Variants in TFAP2A observed in about 807,000 individuals in gnomAD.
TFAP2A encodes the protein transcription factor AP-2-alpha.
A neutral mutation model predicts 41.5 loss-of-function variants in TFAP2A; 7 were observed. The ratio of observed to expected loss-of-function variants is 0.17; its 90% confidence interval spans 0.10 to 0.32. The LOEUF (loss-of-function observed/expected upper bound fraction) is 0.32. Among genes scored for constraint, TFAP2A ranks in the 10% least tolerant of loss-of-function variants. The pLI, the probability that TFAP2A is intolerant of heterozygous loss-of-function variation, is 1.00. For missense variants in TFAP2A, 416 were observed against 563.3 expected (o/e 0.74, Z 2.65); for synonymous variants, 247 against 242.8 (o/e 1.02, Z -0.16).
chr6:10,412,172 G>A, intron 1 of TFAP2A: 4 of 988,224 alleles, frequency 4.0e-6, no homozygotes, highest in Non-Finnish European at 4.8e-6. Context: ...AAATCGGAGT[G>A]GGGAGAGGGA....
intron 2 of TFAP2A, 167 bp downstream of exon 2, chr6:10,409,734 G>C: frequency 1.3e-6 from 1 of 796,590 alleles, no homozygotes; most frequent in Non-Finnish European, 2.0e-6. Context: ...CAACTACTTT[G>C]TGTGGTTCCT....
At chr6:10,401,216 A>G (rs1207672443) in intron 5 of TFAP2A, among the ~76,000 whole-genome samples, 1 of 152,240 alleles carries the variant, frequency 6.6e-6, no homozygotes, top group African/African-American at 2.4e-5. Flanking sequence ...TTGTTTCCAT[A>G]AAATGGAGCG....
At chr6:10,409,863 G>A in intron 2 of TFAP2A, 38 bp downstream of exon 2, 1 of 1,545,542 alleles carries the variant, frequency 6.5e-7, no homozygotes, top group Non-Finnish European at 8.7e-7. Flanking sequence ...TAAGTAGGGG[G>A]CTGTGTTCCC....
chr6:10,399,134 T>TC (rs1367376582), intron 6 of TFAP2A, among the ~76,000 whole-genome samples: 19 of 152,358 alleles, frequency 1.2e-4, no homozygotes, highest in Non-Finnish European at 2.4e-4. Context: ...ATAAAGACCC[T>TC]CTTCCCTGCT....
chr6:10,419,515 G>C, upstream of TFAP2A: 18 of 1,603,076 alleles, frequency 1.1e-5, no homozygotes, highest in Non-Finnish European at 1.5e-5. Context: ...GGTCGGGCCA[G>C]CTCCCTGGAA....
At chr6:10,412,322 A>T (rs772960265) in intron 1 of TFAP2A, 11 of 982,344 alleles carry the variant, frequency 1.1e-5, no homozygotes, top group Non-Finnish European at 1.2e-5. Flanking sequence ...AAAGAGGCAG[A>T]GAGGGAGACC....
chr6:10,403,809 A>G (rs968788122), intron 4 of TFAP2A, among the ~76,000 whole-genome samples: 3 of 152,198 alleles, frequency 2.0e-5, no homozygotes, highest in African/African-American at 7.2e-5. Flanking sequence ...CTGGCTATGT[A>G]TGTAACAGAT....
chr6:10,409,743 C>CGTA, intron 2 of TFAP2A, 158 bp downstream of exon 2: 1 of 906,658 alleles, frequency 1.1e-6, no homozygotes, highest in South Asian at 1.6e-5. Context: ...TGTGTGGTTC[C>CGTA]TCAAAACGTC....
intron 4 of TFAP2A, 111 bp from the exon 5 acceptor site, chr6:10,402,721 C>T (rs960185921): frequency 1.9e-5 from 16 of 851,644 alleles, no homozygotes; most frequent in Non-Finnish European, 2.9e-5. Flanking sequence ...AACTGAGAAG[C>T]TTGGCCCCAA....
intron 2 of TFAP2A, chr6:10,407,257 T>G: frequency 3.9e-6 from 1 of 255,036 alleles, no homozygotes; most frequent in Non-Finnish European, 7.6e-6. Context: ...GGAAACACAA[T>G]AGAAATGACA....
At chr6:10,402,243 GT>G in intron 5 of TFAP2A, 1 of 583,224 alleles carries the variant, frequency 1.7e-6, no homozygotes, top group Non-Finnish European at 3.3e-6. Flanking sequence ...CTTGTGCGTT[GT>G]TTAGCTCAGA....
At chr6:10,406,645 T>A (rs1277357788) in intron 3 of TFAP2A, 148 bp downstream of exon 3, 1 of 715,422 alleles carries the variant, frequency 1.4e-6, no homozygotes, top group Non-Finnish European at 2.5e-6. Context: ...GCTGATTATT[T>A]AAGCATTGCT....
chr6:10,416,757 C>G (rs12207315), upstream of TFAP2A, among the ~76,000 whole-genome samples: 2 of 152,200 alleles, frequency 1.3e-5, no homozygotes, highest in African/African-American at 2.4e-5. Context: ...CCCATTCCAC[C>G]CAAGGCTGCA....
chr6:10,413,764 C>A (rs564072785), intron 1 of TFAP2A, among the ~76,000 whole-genome samples: 3 of 152,210 alleles, frequency 2.0e-5, no homozygotes, highest in African/African-American at 7.2e-5. Flanking sequence ...ACACATCGTT[C>A]ACATAAACCC....
intron 4 of TFAP2A, 46 bp downstream of exon 4, chr6:10,404,462 T>A: frequency 7.1e-7 from 1 of 1,411,182 alleles, no homozygotes; most frequent in Non-Finnish European, 9.4e-7. Context: ...GCGCAGTGGT[T>A]CCCCCGGCCG....
rs1052198371 is a variant in TFAP2A, at chr6:10,398,511, T to G, written c.1226A>C (p.Lys409Thr). Residue 409 changes from lysine to threonine, a missense_variant, in exon 7 of 7, where the codon AAG (lysine) becomes ACG (threonine). This residue lies in a region of TFAP2A where 116 missense variants were observed against 153.8 expected (regional missense o/e 0.75). Coordinates refer to ENST00000379613, the MANE Select transcript of TFAP2A (RefSeq NM_001372066.1). This position sits in a 1 kb window ranked among gnomAD's most constrained non-coding sequence, Gnocchi z 5.3. Reference protein sequence around the residue: ...ALQNYLTEALKAMDKMYLSNN... With the variant: ...ALQNYLTEALTAMDKMYLSNN... ...GCTGAGGTACATTTTGTCCATGGCC[T>G]TGAGGGCCTCGGTGAGATAGTTCTG... The G allele has an allele frequency of 6.2e-7, 1 of 1,614,078 alleles. No homozygotes were observed. The highest frequency in any genetic ancestry group is 1.3e-5 in the African/African-American group (1 of 74,916).
In TFAP2A at chr6:10,412,237, G is replaced by T. The variant is rs866536241; in HGVS notation, c.52-1902C>A. ...GGAGCGGGCGAGCGCGCGGGGGGCC[G>T]CGGCGCGGCGTCTGGCGAATCACAG... On this transcript the variant is annotated intron_variant, in intron 1 of 6. Coordinates refer to ENST00000379613, the MANE Select transcript of TFAP2A (RefSeq NM_001372066.1). 4 of 987,792 alleles carry T rather than the reference G, an allele frequency of 4.0e-6. No homozygotes were observed. The Middle Eastern group carries it at 1.6e-3, about 388-fold the overall frequency. The allele number at this position is 987,792 out of a possible 1,614,324, so 61.2% of individuals were successfully genotyped here.
At chr6:10,411,753 G>A (rs569624673) in intron 1 of TFAP2A, 1 of 1,491,724 alleles carries the variant, frequency 6.7e-7, no homozygotes, top group Non-Finnish European at 8.9e-7. Flanking sequence ...CCCGGAGCGC[G>A]GGAGCCCGGC....
intron 1 of TFAP2A, chr6:10,411,758 C>T (rs530532763): frequency 2.7e-6 from 4 of 1,484,644 alleles, no homozygotes; most frequent in Non-Finnish European, 1.8e-6. Flanking sequence ...AGCGCGGGAG[C>T]CCGGCTCGGA....
Sources: allele counts gnomAD v4.1 joint callset (sites outside exome capture counted in the v4.1 genomes callset), GRCh38; gene constraint gnomAD v4.1.1; regional missense constraint gnomAD v4.1.1; non-coding constraint Gnocchi (gnomAD v3.1); transcripts MANE v1.5; gene names NCBI Gene and HGNC (gene_info 2026-07-23, HGNC 2026-07-21).